NRXN3: variants seen among roughly 807,000 people sequenced by gnomAD.
NRXN3 encodes the protein neurexin 3, also known as neurexin III.
In NRXN3, 32 loss-of-function variants were observed where a neutral mutation model predicts 137.6. That is an observed-to-expected ratio of 0.23 (90% confidence interval 0.18 to 0.31). The LOEUF (loss-of-function observed/expected upper bound fraction) is 0.31, where lower values mean the gene tolerates loss of function less well. Among genes scored for constraint, NRXN3 ranks in the 10% least tolerant of loss-of-function variants. The pLI, the probability that NRXN3 is intolerant of heterozygous loss-of-function variation, is 1.00. For missense variants in NRXN3, 1,574 were observed against 2,062.5 expected (o/e 0.76, Z 4.59); for synonymous variants, 798 against 784.5 (o/e 1.02, Z -0.29).
chr14:78,951,720 A>G (rs1037734023), intron 10 of NRXN3, among the ~76,000 whole-genome samples: 5 of 152,074 alleles, frequency 3.3e-5, no homozygotes, highest in Admixed American at 6.6e-5. Flanking sequence ...ATCCTCCACA[A>G]TGAGGATCAG....
At chr14:78,205,905 A>G (rs1245769469) in intron 1 of NRXN3, among the ~76,000 whole-genome samples, 1 of 152,234 alleles carries the variant, frequency 6.6e-6, no homozygotes, top group African/African-American at 2.4e-5. Flanking sequence ...TGAGGAGTCT[A>G]GGTCAACAAT....
intron 10 of NRXN3, among the ~76,000 whole-genome samples, chr14:78,888,284 C>T (rs139229762): frequency 2.3e-4 from 35 of 152,026 alleles, no homozygotes; most frequent in Non-Finnish European, 4.3e-4. Context: ...TCTGGAGACT[C>T]CTAACAATTA....
At chr14:79,433,510 A>G (rs762745174) in intron 15 of NRXN3, among the ~76,000 whole-genome samples, 73 of 152,118 alleles carry the variant, frequency 4.8e-4, no homozygotes, top group Non-Finnish European at 8.2e-4. Flanking sequence ...GACTCACACT[A>G]GTTTTTTAAA....
intron 1 of NRXN3, among the ~76,000 whole-genome samples, chr14:78,184,670 TAG>T (rs2060081432): frequency 6.6e-6 from 1 of 152,174 alleles, no homozygotes; most frequent in African/African-American, 2.4e-5. Flanking sequence ...CTTGACTCCT[TAG>T]AGAGTGCATA....
chr14:78,940,128 T>C (rs1284440467), intron 10 of NRXN3, among the ~76,000 whole-genome samples: 1 of 152,172 alleles, frequency 6.6e-6, no homozygotes, highest in Non-Finnish European at 1.5e-5. Context: ...CTACCTCTCA[T>C]AAAAATGCCC....
intron 10 of NRXN3, among the ~76,000 whole-genome samples, chr14:78,943,654 ATATATATATATATATATATATATATC>A (rs1567778820): frequency 2.7e-5 from 2 of 74,852 alleles, no homozygotes; most frequent in East Asian, 8.0e-4. Flanking sequence ...ATATATATAT[ATATATATATATATATATATATATATC>A]TCAAAGAATC....
intron 10 of NRXN3, among the ~76,000 whole-genome samples, chr14:78,814,346 G>T (rs116289089): frequency 0.016 from 2,463 of 152,308 alleles, 78 homozygotes; most frequent in East Asian, 0.14. Context: ...GCCGGATGTG[G>T]TAGCTCACAC....
At chr14:79,335,876 C>G (rs1340722172) in intron 15 of NRXN3, among the ~76,000 whole-genome samples, 1 of 152,114 alleles carries the variant, frequency 6.6e-6, no homozygotes, top group Non-Finnish European at 1.5e-5. Flanking sequence ...TTATCTGTCA[C>G]TTAGCATTAA....
intron 19 of NRXN3, among the ~76,000 whole-genome samples, chr14:79,776,280 T>C (rs1403334674): frequency 6.6e-6 from 1 of 152,248 alleles, no homozygotes; most frequent in Non-Finnish European, 1.5e-5. Flanking sequence ...GACTGTAGAA[T>C]TGTTGGTTTG....
At chr14:78,451,320 C>T (rs1429981673) in intron 4 of NRXN3, among the ~76,000 whole-genome samples, 3 of 152,294 alleles carry the variant, frequency 2.0e-5, no homozygotes, top group South Asian at 4.1e-4. Context: ...AACCAAACAA[C>T]TGGTATAAGG....
At chr14:78,627,625 G>T (rs924905280) in intron 4 of NRXN3, among the ~76,000 whole-genome samples, 2 of 152,142 alleles carry the variant, frequency 1.3e-5, no homozygotes, top group African/African-American at 4.8e-5. Context: ...AATCAAAGTT[G>T]TCCCCTGTTA....
intron 10 of NRXN3, among the ~76,000 whole-genome samples, chr14:78,836,068 A>G (rs2098995922): frequency 6.6e-6 from 1 of 152,152 alleles, no homozygotes; most frequent in African/African-American, 2.4e-5. Context: ...TGGCACACAG[A>G]ATACACTGAA....
rs879370869 is a variant in NRXN3 at position 79,000,249 on chromosome 14, C to T, written c.3262+12108C>T. On this transcript the variant is annotated intron_variant, in intron 15 of 20. Transcript: ENST00000335750. ...ATTCTTATGTGAGTGAAATCAAATG[C>T]ATGTATGTGCATACATATGTAATAT... 1.4e-3 allele frequency among the ~76,000 whole-genome samples: 208 copies of T among 152,244 alleles called. 1 individual carries two copies. Among genetic ancestry groups the T allele is most frequent in the African/African-American group, 4.5e-3 (187 of 41,534 alleles).
intron 16 of NRXN3, among the ~76,000 whole-genome samples, chr14:79,615,197 A>C (rs2098141457): frequency 6.6e-6 from 1 of 152,216 alleles, no homozygotes; most frequent in South Asian, 2.1e-4. Flanking sequence ...CAAGGAGCTT[A>C]GAGAATATGT....
intron 15 of NRXN3, among the ~76,000 whole-genome samples, chr14:79,171,661 G>A (rs1026637466): frequency 5.3e-5 from 8 of 152,130 alleles, no homozygotes; most frequent in Non-Finnish European, 1.0e-4. Flanking sequence ...AGTGGATATA[G>A]TATTTAAGTG....
intron 15 of NRXN3, among the ~76,000 whole-genome samples, chr14:79,065,295 G>A (rs1391036001): frequency 6.6e-6 from 1 of 152,000 alleles, no homozygotes; most frequent in Non-Finnish European, 1.5e-5. Context: ...GATTTTGCCA[G>A]GTCAAGAAAG....
chr14:78,704,569 T>C (rs1384095122), intron 6 of NRXN3, among the ~76,000 whole-genome samples: 1 of 152,044 alleles, frequency 6.6e-6, no homozygotes, highest in African/African-American at 2.4e-5. Flanking sequence ...GACTTGGGTG[T>C]GGTTTTTGTG....
At chr14:78,216,677 C>G (rs1432335888) in intron 1 of NRXN3, among the ~76,000 whole-genome samples, 1 of 152,190 alleles carries the variant, frequency 6.6e-6, no homozygotes, top group Non-Finnish European at 1.5e-5. Flanking sequence ...ACAGCTCTAA[C>G]AAAGTACCAG....
At chr14:79,829,919 G>A (rs2099317776) in intron 20 of NRXN3, among the ~76,000 whole-genome samples, 1 of 152,200 alleles carries the variant, frequency 6.6e-6, no homozygotes, top group Non-Finnish European at 1.5e-5. Context: ...GAGAAGATAT[G>A]CTCTACAGCT....
Sources: gnomAD v4.1 joint callset for allele counts (sites outside exome capture counted in the v4.1 genomes callset) on GRCh38, gnomAD v4.1.1 for gene constraint, MANE v1.5 for transcripts, NCBI Gene and HGNC (gene_info 2026-07-23, HGNC 2026-07-21) for gene names.